PACRG: variants seen among roughly 807,000 people sequenced by gnomAD.
PACRG encodes parkin coregulated gene protein.
PACRG carries 29 observed loss-of-function variants against 29.7 expected under a neutral mutation model. The observed-to-expected ratio is 0.98, with a 90% confidence interval of 0.73 to 1.33. PACRG has a LOEUF of 1.33. Ranked by LOEUF, PACRG falls within the 40% of genes most tolerant of loss-of-function variation. The pLI is 0.00. For synonymous variants in PACRG, 116 were observed against 118.7 expected (o/e 0.98, Z 0.15); for missense variants, 279 against 316.2 (o/e 0.88, Z 0.89).
At chr6:162,959,078 TA>T (rs1209182881) in intron 2 of PACRG, among the ~76,000 whole-genome samples, 1 of 147,554 alleles carries the variant, frequency 6.8e-6, no homozygotes, top group South Asian at 2.1e-4. Context: ...CATGCCTGGC[TA>T]ACTTTTTTTT....
chr6:163,191,094 A>C, intron 4 of PACRG: 1 of 398,204 alleles, frequency 2.5e-6, no homozygotes, highest in African/African-American at 2.1e-5. Flanking sequence ...ACTTAGATTC[A>C]AGTTAAAAGA....
chr6:163,072,387 T>TA (rs1014226897), intron 3 of PACRG, among the ~76,000 whole-genome samples: 32 of 151,970 alleles, frequency 2.1e-4, no homozygotes, highest in African/African-American at 7.2e-4. Context: ...TCCTGAAAAA[T>TA]AAAAACAAAT....
In PACRG at chr6:163,313,396, T is replaced by C. The variant is rs1197642408; in HGVS notation, c.614-1431T>C. Among the ~76,000 whole-genome samples the C allele has an allele frequency of 2.0e-5, 3 of 152,148 alleles. No homozygotes were observed. In the East Asian group the frequency reaches 5.8e-4, roughly 29 times the overall value. On this transcript the variant is annotated intron_variant, in intron 4 of 4. Coordinates refer to ENST00000366888, the MANE Select transcript of PACRG (RefSeq NM_001080379.2). ...TAAGGATAGAAATTTATTGTGTGTA[T>C]ATCACAGAAGACAGTGATATTTCTC... is the stretch of plus-strand genomic sequence containing the variant.
chr6:163,298,255 G>GAA (rs796994518), intron 4 of PACRG, among the ~76,000 whole-genome samples: 1 of 127,758 alleles, frequency 7.8e-6, no homozygotes. Context: ...TCTCACAAAG[G>GAA]AAAAAAAAAA....
chr6:163,231,018 C>A (rs1210562775), intron 4 of PACRG, among the ~76,000 whole-genome samples: 1 of 152,196 alleles, frequency 6.6e-6, no homozygotes, highest in Non-Finnish European at 1.5e-5. Flanking sequence ...TCAGGCACAA[C>A]TAAGAAGATC....
chr6:163,061,959 T>C (rs1327155494), intron 2 of PACRG, among the ~76,000 whole-genome samples, 191 bp from the exon 3 acceptor site: 1 of 152,164 alleles, frequency 6.6e-6, no homozygotes, highest in Non-Finnish European at 1.5e-5. Context: ...AGGTCCATGA[T>C]TTTAACCTCA....
At chr6:162,923,042 A>G (rs1797176794) in intron 2 of PACRG, among the ~76,000 whole-genome samples, 1 of 151,982 alleles carries the variant, frequency 6.6e-6, no homozygotes, top group Non-Finnish European at 1.5e-5. Flanking sequence ...AGCATTTGTT[A>G]TTTTTTTACT....
intron 3 of PACRG, among the ~76,000 whole-genome samples, chr6:163,084,532 C>CT (rs998388569): frequency 6.6e-6 from 1 of 152,098 alleles, no homozygotes; most frequent in African/African-American, 2.4e-5. Flanking sequence ...TTCACAGCTA[C>CT]TGCAGAAGTT....
chr6:163,141,458 T>C (rs1283339628), intron 4 of PACRG, among the ~76,000 whole-genome samples: 2 of 144,594 alleles, frequency 1.4e-5, no homozygotes, highest in African/African-American at 5.1e-5. Flanking sequence ...TTTTTTTTTT[T>C]AAAGCCAAAC....
At chr6:163,205,809 G>A (rs1022535985) in intron 4 of PACRG, among the ~76,000 whole-genome samples, 8 of 152,086 alleles carry the variant, frequency 5.3e-5, no homozygotes, top group African/African-American at 1.4e-4. Flanking sequence ...TCCAAACTAT[G>A]CATCTGACAA....
intron 2 of PACRG, among the ~76,000 whole-genome samples, chr6:163,011,086 CAGTG>C (rs1805569721): frequency 7.1e-6 from 1 of 140,684 alleles, no homozygotes; most frequent in South Asian, 2.5e-4. Context: ...CCCTGGAAAG[CAGTG>C]AGTAAGGGGT....
At chr6:163,272,065 G>A (rs914916838) in intron 4 of PACRG, among the ~76,000 whole-genome samples, 25 of 143,492 alleles carry the variant, frequency 1.7e-4, no homozygotes, top group African/African-American at 6.0e-4. Context: ...TCAAGATGGA[G>A]TCTCGCTCTC....
At chr6:163,254,971 C>T (rs1287207177) in intron 4 of PACRG, among the ~76,000 whole-genome samples, 2 of 152,244 alleles carry the variant, frequency 1.3e-5, no homozygotes, top group Admixed American at 6.5e-5. Context: ...AAGCCACGGG[C>T]TTTCTACGTC....
intron 4 of PACRG, among the ~76,000 whole-genome samples, chr6:163,106,504 G>A (rs1372578454): frequency 6.6e-6 from 1 of 152,004 alleles, no homozygotes; most frequent in Non-Finnish European, 1.5e-5. Context: ...ATTATTCTTG[G>A]ATGAAAAGTA....
At chr6:162,939,373 C>T (rs754137587) in intron 2 of PACRG, among the ~76,000 whole-genome samples, 1 of 152,076 alleles carries the variant, frequency 6.6e-6, no homozygotes, top group Non-Finnish European at 1.5e-5. Flanking sequence ...AGCCCAAAAG[C>T]AAATGCAATA....
chr6:163,267,316 T>C (rs1162732479), intron 4 of PACRG, among the ~76,000 whole-genome samples: 2 of 152,194 alleles, frequency 1.3e-5, no homozygotes, highest in Non-Finnish European at 2.9e-5. Context: ...GGCTCATTCA[T>C]TTACCAAGAA....
intron 4 of PACRG, among the ~76,000 whole-genome samples, chr6:163,226,116 C>G (rs973386258): frequency 6.6e-5 from 10 of 152,174 alleles, no homozygotes; most frequent in Non-Finnish European, 1.0e-4. Context: ...CACATAAAGA[C>G]AAAAACTGCG....
At chr6:162,774,850 T>C (rs1783515554) in intron 1 of PACRG, among the ~76,000 whole-genome samples, 1 of 152,178 alleles carries the variant, frequency 6.6e-6, no homozygotes, top group Non-Finnish European at 1.5e-5. Flanking sequence ...ATTTTAATTC[T>C]ATATGACCAT....
intron 2 of PACRG, among the ~76,000 whole-genome samples, chr6:163,041,379 A>G (rs1005189598): frequency 6.6e-6 from 1 of 152,090 alleles, no homozygotes; most frequent in Non-Finnish European, 1.5e-5. Flanking sequence ...ACATCAAGGG[A>G]GGGACCTGGT....
Sources: allele counts gnomAD v4.1 joint callset (sites outside exome capture counted in the v4.1 genomes callset), GRCh38; gene constraint gnomAD v4.1.1; transcripts MANE v1.5; gene names NCBI Gene and HGNC (gene_info 2026-07-23, HGNC 2026-07-21).